The following PDE7B variants were observed in gnomAD, a reference collection of about 807,000 sequenced individuals.
PDE7B encodes phosphodiesterase 7B.
In PDE7B, 29 loss-of-function variants were observed where a neutral mutation model predicts 56.2. That is an observed-to-expected ratio of 0.52 (90% CI 0.38 to 0.70). The LOEUF is 0.70. Ranked by LOEUF, PDE7B falls within the 30% of genes least tolerant of loss-of-function variation. The pLI, the probability that PDE7B is intolerant of heterozygous loss-of-function variation, is 0.00. For synonymous variants in PDE7B, 197 were observed against 196.9 expected (o/e 1.00, Z 0.00); for missense variants, 490 against 565.0 (o/e 0.87, Z 1.35).
chr6:136,033,455 C>T (rs1298954003), intron 2 of PDE7B, among the ~76,000 whole-genome samples: 6 of 152,132 alleles, frequency 3.9e-5, no homozygotes, highest in African/African-American at 1.4e-4. Context: ...CGGGCAGGTC[C>T]CCAGTACCTG....
chr6:136,186,188 G>A (rs1779141997), intron 11 of PDE7B, among the ~76,000 whole-genome samples: 1 of 152,058 alleles, frequency 6.6e-6, no homozygotes, highest in Non-Finnish European at 1.5e-5. Context: ...GATGGAGGCA[G>A]GAGGATAGCT....
Position 136,192,750 on chromosome 6 carries a change from T to G in PDE7B, c.*910T>G, listed in dbSNP as rs2128453014. The stretch of plus-strand genomic sequence containing the variant: ...TTAGTTTTAATACAAGAGAATGCAT[T>G]TGTAAATATGGTATAGAGTTTATTA... On this transcript the variant is annotated 3_prime_UTR_variant, in exon 13 of 13. Transcript: ENST00000308191. 6.5e-6 allele frequency: 1 copy of G among 152,718 alleles called. No homozygotes were observed. The highest frequency in any genetic ancestry group is 2.1e-4 in the South Asian group (1 of 4,824). 9.5% of individuals were successfully genotyped at this position (152,718 alleles called of 1,614,324 possible). A position where few individuals can be genotyped will look rare whatever the true frequency, so the allele number is the denominator to read the frequency against.
chr6:135,900,131 A>G (rs916625532), intron 1 of PDE7B, among the ~76,000 whole-genome samples: 23 of 152,002 alleles, frequency 1.5e-4, no homozygotes, highest in Non-Finnish European at 3.1e-4. Context: ...TTATCTTTTA[A>G]AAAGGGAAAA....
intron 8 of PDE7B, among the ~76,000 whole-genome samples, chr6:136,160,902 A>G (rs945936233): frequency 4.6e-5 from 7 of 152,212 alleles, no homozygotes; most frequent in Non-Finnish European, 7.3e-5. Flanking sequence ...TGAACAAAAC[A>G]AATAAAAAAG....
intron 2 of PDE7B, among the ~76,000 whole-genome samples, chr6:136,099,188 G>A (rs1235468350): frequency 6.6e-6 from 1 of 151,646 alleles, no homozygotes; most frequent in Non-Finnish European, 1.5e-5. Context: ...ATGGACATTT[G>A]GGTTGGTTCC....
At chr6:135,991,747 G>A (rs949675396) in intron 2 of PDE7B, among the ~76,000 whole-genome samples, 1 of 152,158 alleles carries the variant, frequency 6.6e-6, no homozygotes, top group Admixed American at 6.5e-5. Context: ...ACCAGCTGAA[G>A]GCAGAAAGAA....
chr6:136,016,331 T>C (rs753827600), intron 2 of PDE7B, among the ~76,000 whole-genome samples: 13 of 152,204 alleles, frequency 8.5e-5, no homozygotes, highest in Non-Finnish European at 1.3e-4. Flanking sequence ...TTCTATGGCA[T>C]TTGAATATTG....
At chr6:136,075,460 A>T (rs941954475) in intron 2 of PDE7B, among the ~76,000 whole-genome samples, 1 of 152,180 alleles carries the variant, frequency 6.6e-6, no homozygotes, top group Non-Finnish European at 1.5e-5. Context: ...GCTGGAACAC[A>T]CTCAGGAATA....
At chr6:136,164,675 A>G (rs769604035) in intron 8 of PDE7B, among the ~76,000 whole-genome samples, 5 of 152,224 alleles carry the variant, frequency 3.3e-5, no homozygotes, top group Non-Finnish European at 5.9e-5. Context: ...TTTTTTTAAA[A>G]TCAAATTTCA....
At chr6:136,057,033 G>A (rs546414272) in intron 2 of PDE7B, among the ~76,000 whole-genome samples, 15 of 152,184 alleles carry the variant, frequency 9.9e-5, no homozygotes, top group Non-Finnish European at 2.1e-4. Context: ...TTTGGACCTC[G>A]GTTTTCTCAT....
At chr6:135,957,533 G>A (rs928307889) in intron 2 of PDE7B, among the ~76,000 whole-genome samples, 4 of 152,056 alleles carry the variant, frequency 2.6e-5, no homozygotes, top group Non-Finnish European at 5.9e-5. Flanking sequence ...GGCCAGCCAA[G>A]GTAATCTGCA....
chr6:136,074,570 T>A (rs9389369), intron 2 of PDE7B, among the ~76,000 whole-genome samples: 1 of 151,860 alleles, frequency 6.6e-6, no homozygotes, highest in African/African-American at 2.4e-5. Flanking sequence ...TAACCATTCC[T>A]CCTTCCCACT....
chr6:136,064,895 C>T (rs1776907662), intron 2 of PDE7B, among the ~76,000 whole-genome samples: 1 of 152,144 alleles, frequency 6.6e-6, no homozygotes, highest in African/African-American at 2.4e-5. Flanking sequence ...GTATTTGTTA[C>T]TGCTCTATGC....
Position 136,059,152 on chromosome 6 carries a change from G to A in PDE7B, c.83-49579G>A, listed in dbSNP as rs1020147999. 7.9e-5 allele frequency among the ~76,000 whole-genome samples: 12 copies of A among 152,296 alleles called. No individual in the cohort carries two copies. The South Asian group carries it at 2.5e-3, about 32-fold the overall frequency. On this transcript the variant is annotated intron_variant, in intron 2 of 12. Transcript: ENST00000308191. ...TTTAGGAGTTAACCCATTTATGCCAGAGATTGCAATTTATTTTTGTAAAAA... is the reference window on the plus strand; with the variant it reads ...TTTAGGAGTTAACCCATTTATGCCAAAGATTGCAATTTATTTTTGTAAAAA...
At chr6:135,997,753 GAGA>G (rs1252620636) in intron 2 of PDE7B, among the ~76,000 whole-genome samples, 1 of 152,072 alleles carries the variant, frequency 6.6e-6, no homozygotes, top group Admixed American at 6.6e-5. Flanking sequence ...ATGTTAAATG[GAGA>G]AGGAGAACAC....
intron 2 of PDE7B, among the ~76,000 whole-genome samples, chr6:135,954,270 C>T (rs1217568452): frequency 6.6e-6 from 1 of 152,170 alleles, no homozygotes; most frequent in East Asian, 1.9e-4. Context: ...GAACATCTAG[C>T]TGCCCAGCCC....
intron 2 of PDE7B, among the ~76,000 whole-genome samples, chr6:135,959,619 T>G (rs1365511989): frequency 6.6e-6 from 1 of 152,144 alleles, no homozygotes; most frequent in Non-Finnish European, 1.5e-5. Context: ...TCACTCTTTG[T>G]GTCAGGAAAA....
chr6:136,023,435 A>G (rs1021931799), intron 2 of PDE7B, among the ~76,000 whole-genome samples: 15 of 152,210 alleles, frequency 9.9e-5, no homozygotes, highest in Admixed American at 6.5e-5. Flanking sequence ...TCATGTAGCA[A>G]AGGGGCCACC....
At position 135,954,627 on chromosome 6, in the gene PDE7B, C is replaced by A. The variant is rs528108458; in HGVS notation, c.82+7103C>A. The stretch of plus-strand genomic sequence containing the variant: ...GATATAATAATGAGCAAGGTAGAAT[C>A]CCTATTGCCACAGAGTATATTCTTG... On this transcript the variant is annotated intron_variant, in intron 2 of 12. Coordinates refer to ENST00000308191, the MANE Select transcript of PDE7B (RefSeq NM_018945.4). 5.3e-5 allele frequency among the ~76,000 whole-genome samples: 8 copies of A among 152,220 alleles called. No homozygotes were observed. The East Asian group carries it at 1.4e-3, about 26-fold the overall frequency.
Sources: allele counts gnomAD v4.1 joint callset (sites outside exome capture counted in the v4.1 genomes callset), GRCh38; gene constraint gnomAD v4.1.1; transcripts MANE v1.5; gene names NCBI Gene and HGNC (gene_info 2026-07-23, HGNC 2026-07-21).